Variants in TACR3 observed in about 807,000 individuals in gnomAD.
TACR3 encodes tachykinin receptor 3.
TACR3 carries 34 observed loss-of-function variants against 35.0 expected under a neutral mutation model. The ratio of observed to expected loss-of-function variants is 0.97; its 90% CI spans 0.74 to 1.30. The LOEUF (loss-of-function observed/expected upper bound fraction) is 1.30. Among genes scored for constraint, TACR3 ranks in the 50% most tolerant of loss-of-function variants. TACR3 has a pLI of 0.00. For missense variants in TACR3, 558 were observed against 591.7 expected (o/e 0.94, Z 0.59); for synonymous variants, 233 against 221.1 (o/e 1.05, Z -0.48).
chr4:103,710,222 T>G (rs1319235122), intron 1 of TACR3, among the ~76,000 whole-genome samples: 1 of 152,162 alleles, frequency 6.6e-6, no homozygotes. Flanking sequence ...CAGCACCACG[T>G]TGCACTTATT....
At chr4:103,628,127 C>T (rs1388335475) in intron 3 of TACR3, among the ~76,000 whole-genome samples, 1 of 152,216 alleles carries the variant, frequency 6.6e-6, no homozygotes, top group Non-Finnish European at 1.5e-5. Context: ...ACCAGAATCT[C>T]TGGGACACAT....
Position 103,701,444 on chromosome 4 carries a change from G to T in TACR3, c.548+17684C>A, listed in dbSNP as rs1722646711. On this transcript the variant is annotated intron_variant, in intron 1 of 4. Coordinates refer to ENST00000304883, the MANE Select transcript of TACR3 (RefSeq NM_001059.3). ...AACATTCCATGCTCATGGGTAGGAA[G>T]AATCAATATTGTGAAAATGGCCATA... Among the ~76,000 whole-genome samples the T allele has an allele frequency of 2.0e-5, 3 of 152,130 alleles. No individual in the cohort carries two copies. The South Asian group carries it at 6.2e-4, about 32-fold the overall frequency.
chr4:103,681,588 A>T lies in TACR3; in HGVS notation c.549-23185T>A, dbSNP rs192364618. ...GAAGACGAAATAATCCTAAATGCAC[A>T]TAATAACGGTGCTTCAAAATACGTG... On this transcript the variant is annotated intron_variant, in intron 1 of 4. Transcript: ENST00000304883. 1.2e-3 allele frequency among the ~76,000 whole-genome samples: 177 copies of T among 152,302 alleles called. 3 individuals carry two copies. Among genetic ancestry groups the T allele is most frequent in the African/African-American group, 3.9e-3 (164 of 41,586 alleles).
chr4:103,712,835 A>C lies in TACR3; in HGVS notation c.548+6293T>G, dbSNP rs554588148. Among the ~76,000 whole-genome samples the C allele has an allele frequency of 7.9e-4, 120 of 152,356 alleles. 1 individual carries two copies. In the Middle Eastern group the frequency reaches 0.017, roughly 22 times the overall value. ...CAAAGTATATGAACAGACACTTCTC[A>C]AAAGAAGACATTTATGCAGCCAAAA... is the stretch of plus-strand genomic sequence containing the variant. On this transcript the variant is annotated intron_variant, in intron 1 of 4. Transcript: ENST00000304883.
At chr4:103,612,046 T>G (rs756439374) in intron 3 of TACR3, among the ~76,000 whole-genome samples, 1 of 152,214 alleles carries the variant, frequency 6.6e-6, no homozygotes, top group African/African-American at 2.4e-5. Flanking sequence ...AGTAACTTTT[T>G]AAAAAATGTA....
intron 1 of TACR3, among the ~76,000 whole-genome samples, chr4:103,713,062 T>A (rs1480578812): frequency 6.6e-6 from 1 of 152,138 alleles, no homozygotes; most frequent in East Asian, 1.9e-4. Flanking sequence ...TGGAAGACAG[T>A]GTGGCGATTC....
At chr4:103,678,837 C>T (rs1283855314) in intron 1 of TACR3, among the ~76,000 whole-genome samples, 1 of 150,994 alleles carries the variant, frequency 6.6e-6, no homozygotes, top group Admixed American at 6.6e-5. Context: ...CACACCACAT[C>T]TATAAGATTA....
At chr4:103,631,537 C>G (rs904592497) in intron 3 of TACR3, among the ~76,000 whole-genome samples, 2 of 152,066 alleles carry the variant, frequency 1.3e-5, no homozygotes, top group Non-Finnish European at 2.9e-5. Flanking sequence ...GATGAATAGG[C>G]CTTACTTTCA....
chr4:103,678,033 G>T (rs1726210520), intron 1 of TACR3, among the ~76,000 whole-genome samples: 1 of 152,106 alleles, frequency 6.6e-6, no homozygotes, highest in Non-Finnish European at 1.5e-5. Context: ...AGGTAATGTA[G>T]CATAGGTTAT....
At chr4:103,626,848 T>C (rs780622116) in intron 3 of TACR3, among the ~76,000 whole-genome samples, 9 of 151,952 alleles carry the variant, frequency 5.9e-5, no homozygotes, top group Non-Finnish European at 1.3e-4. Context: ...ATCTATATAA[T>C]ATAAAGTTTC....
chr4:103,660,791 T>A (rs908319774), intron 1 of TACR3, among the ~76,000 whole-genome samples: 2 of 152,080 alleles, frequency 1.3e-5, no homozygotes, highest in Non-Finnish European at 2.9e-5. Flanking sequence ...ATAATGCGTA[T>A]GTTTCAAATA....
intron 1 of TACR3, among the ~76,000 whole-genome samples, chr4:103,698,979 A>ACTT (rs754913408): frequency 1.3e-5 from 2 of 152,154 alleles, no homozygotes; most frequent in African/African-American, 2.4e-5. Flanking sequence ...CACTTTTGCA[A>ACTT]CTTCTGTTTT....
At chr4:103,645,405 T>C (rs1271600875) in intron 3 of TACR3, among the ~76,000 whole-genome samples, 1 of 151,872 alleles carries the variant, frequency 6.6e-6, no homozygotes, top group African/African-American at 2.4e-5. Flanking sequence ...AATGGAAAAA[T>C]GGAAAATTAC....
At chr4:103,617,292 T>C (rs770465653) in intron 3 of TACR3, among the ~76,000 whole-genome samples, 3 of 152,142 alleles carry the variant, frequency 2.0e-5, no homozygotes, top group Non-Finnish European at 2.9e-5. Context: ...AGGAGAGATA[T>C]AAAAAGTATT....
At chr4:103,649,815 C>A (rs1359972204) in intron 3 of TACR3, among the ~76,000 whole-genome samples, 1 of 152,094 alleles carries the variant, frequency 6.6e-6, no homozygotes, top group Non-Finnish European at 1.5e-5. Flanking sequence ...GGTCACATAT[C>A]TTTGTTTCTC....
At chr4:103,614,884 GTTTTTTTT>G (rs71580414) in intron 3 of TACR3, among the ~76,000 whole-genome samples, 859 of 71,906 alleles carry the variant, frequency 0.012, 8 homozygotes, top group Middle Eastern at 0.02. Flanking sequence ...TTATGAATGT[GTTTTTTTT>G]TTTTTTTTTT....
At chr4:103,650,645 A>AT (rs1491530388) in intron 3 of TACR3, among the ~76,000 whole-genome samples, 22 of 55,108 alleles carry the variant, frequency 4.0e-4, no homozygotes, top group Admixed American at 5.1e-4. Flanking sequence ...ATATATATTT[A>AT]ATATATATAA....
At chr4:103,644,560 AT>A (rs1227626980) in intron 3 of TACR3, among the ~76,000 whole-genome samples, 4 of 151,800 alleles carry the variant, frequency 2.6e-5, no homozygotes, top group Admixed American at 6.6e-5. Flanking sequence ...ATGAAAAATA[AT>A]TGGTAAATAA....
chr4:103,658,503 C>A, intron 1 of TACR3, 100 bp from the exon 2 acceptor site: 1 of 1,158,594 alleles, frequency 8.6e-7, no homozygotes. Flanking sequence ...TAGTTACAGT[C>A]ATTGCTCTTT....
Sources: allele counts gnomAD v4.1 joint callset (sites outside exome capture counted in the v4.1 genomes callset), GRCh38; gene constraint gnomAD v4.1.1; transcripts MANE v1.5; gene names NCBI Gene and HGNC (gene_info 2026-07-23, HGNC 2026-07-21).